The following BEST2 variants were observed in gnomAD, a reference collection of about 807,000 sequenced individuals.
The protein encoded by BEST2 is bestrophin-2a.
Under a neutral mutation model 49.0 loss-of-function variants are expected in BEST2, and 36 were observed. The observed-to-expected ratio is 0.73, with a 90% confidence interval of 0.56 to 0.97. BEST2 has a LOEUF of 0.97. Ranked by LOEUF, BEST2 falls within the 50% of genes least tolerant of loss-of-function variation. BEST2 has a pLI of 0.00. For synonymous variants in BEST2, 335 were observed against 304.4 expected (o/e 1.10, Z -1.05); for missense variants, 672 against 710.0 (o/e 0.95, Z 0.61).
Position 12,757,852 on chromosome 19 carries a change from C to A in BEST2, c.1305C>A (p.Cys435Ter), listed in dbSNP as rs1444988876. The A allele has an allele frequency of 3.9e-6, 6 of 1,549,066 alleles. No individual in the cohort carries two copies. The highest frequency in any genetic ancestry group is 2.4e-5 in the South Asian group (2 of 84,094). Residue 435 changes from cysteine (C) to a stop codon, truncating the protein, a stop_gained, in exon 10 of 10, where the codon TGC (cysteine) becomes TGA (stop). Transcript: ENST00000553030. LOFTEE classifies it low-confidence loss of function (END_TRUNC). ...SEASTGASCS[C>*]AVVPEGAAPE... Reference sequence around the variant, plus strand: ...CGTCTACTGGGGCCAGCTGCTCATGCGCGGTTGTCCCCGAAGGCGCGGCCC... The same window carrying A: ...CGTCTACTGGGGCCAGCTGCTCATGAGCGGTTGTCCCCGAAGGCGCGGCCC...
rs1356230609 is a variant in BEST2 at position 12,754,986 on chromosome 19, C to A, written c.591C>A (p.Arg197=). The change falls in exon 5 of 10, where the codon CGC becomes CGA. Residue 197 remains arginine, a synonymous_variant. Coordinates refer to ENST00000553030, the MANE Select transcript of BEST2 (RefSeq NM_017682.3). ...WFSNLAAQAR[R]EGRIRDNSAL... ...CCAACCTGGCGGCACAGGCCCGACG[C>A]GAGGGCCGCATCCGCGACAACAGCG... 1 of 1,612,256 alleles carries A rather than the reference C, an allele frequency of 6.2e-7. No individual in the cohort carries two copies. Among genetic ancestry groups the A allele is most frequent in the African/African-American group, 1.3e-5 (1 of 74,950 alleles).
chr19:12,752,550 C>T lies in BEST2; in HGVS notation c.-43C>T, dbSNP rs752105033. The T allele has an allele frequency of 7.5e-6, 12 of 1,602,562 alleles. No homozygotes were observed. Among genetic ancestry groups the T allele is most frequent in the East Asian group, 2.2e-5 (1 of 44,738 alleles). On this transcript the variant is annotated 5_prime_UTR_variant, in exon 2 of 10. Transcript: ENST00000553030. ...TCCACCCACACCCGCAGCCCCCACC[C>T]GGGCCACCCACTCTCCCTTGGCCAC...
chr19:12,755,932 C>T lies in BEST2; in HGVS notation c.945C>T (p.Phe315=), dbSNP rs763032729. The T allele has an allele frequency of 8.7e-6, 14 of 1,613,822 alleles. No homozygotes were observed. In the South Asian group the frequency reaches 1.4e-4, roughly 16 times the overall value. ...FETNFLIDRN[F]QVSMLAVDEM... is the part of the protein sequence containing the mutation. Reference sequence around the variant, plus strand: ...CCAACTTTCTGATCGATAGAAACTTCCAGGTGAGACTCAGTTTCCAGGTGA... The same window carrying T: ...CCAACTTTCTGATCGATAGAAACTTTCAGGTGAGACTCAGTTTCCAGGTGA... The change falls in exon 8 of 10, where the codon TTC becomes TTT. Residue 315 remains phenylalanine (F), a synonymous_variant. Transcript: ENST00000553030. The surrounding 1 kb of genome is among the most constrained non-coding windows in gnomAD (Gnocchi z 4.4).
rs1015216640 is a variant in BEST2, at chr19:12,755,767, G to A, written c.867G>A (p.Lys289=). ...LQFFFYAGWL[K]VAEQLINPFG... is the part of the protein sequence containing the mutation. Reference sequence around the variant, plus strand: ...TCTTCTTCTACGCCGGCTGGCTCAAGGTAGGTGGGTGATCCAGGCTGGAAT... The same window carrying A: ...TCTTCTTCTACGCCGGCTGGCTCAAAGTAGGTGGGTGATCCAGGCTGGAAT... Residue 289 remains lysine, a splice_region_variant and synonymous_variant, in exon 7 of 10, where the codon AAG becomes AAA. Coordinates refer to ENST00000553030, the MANE Select transcript of BEST2 (RefSeq NM_017682.3). The surrounding 1 kb of genome is among the most constrained non-coding windows in gnomAD (Gnocchi z 4.4). 6.2e-7 allele frequency: 1 copy of A among 1,614,078 alleles called. No homozygotes were observed. The highest frequency in any genetic ancestry group is 1.1e-5 in the South Asian group (1 of 91,088).
At chr19:12,753,227 T>A in intron 2 of BEST2, 33 bp from the exon 3 acceptor site, 1 of 1,606,652 alleles carries the variant, frequency 6.2e-7, no homozygotes, top group Non-Finnish European at 8.5e-7. Flanking sequence ...GAGTCACCCT[T>A]GTGACCTGTG....
chr19:12,752,828 T>C (rs1967887353), intron 2 of BEST2, 84 bp downstream of exon 2: 1 of 953,164 alleles, frequency 1.0e-6, no homozygotes. Flanking sequence ...TATAAAAATA[T>C]AGAGATATAT....
In BEST2 at chr19:12,752,740, T is replaced by TACCGGTGAGGCTGCCC. The variant is rs751939642; in HGVS notation, c.149_152+12dup. ...GTTCTACATGGCGCTGAGTGCTGCC[T>TACCGGTGAGGCTGCCC]ACCGGTGAGGCTGCCCTGAGGTGCT... On this transcript the variant is annotated stop_gained and frameshift_variant, in exon 2 of 10. Transcript: ENST00000553030. LOFTEE classifies it high-confidence loss of function. 1.2e-6 allele frequency: 2 copies of TACCGGTGAGGCTGCCC among 1,611,272 alleles called. No homozygotes were observed.
intron 3 of BEST2, 50 bp from the exon 4 acceptor site, chr19:12,754,501 AC>A (rs1304737228): frequency 7.1e-7 from 1 of 1,398,990 alleles, no homozygotes; most frequent in East Asian, 2.6e-5. Flanking sequence ...GGGCCCCCAA[AC>A]CCCTGGCCCT....
intron 9 of BEST2, among the ~76,000 whole-genome samples, chr19:12,757,391 A>G (rs1240131655): frequency 6.6e-6 from 1 of 152,198 alleles, no homozygotes; most frequent in Non-Finnish European, 1.5e-5. Context: ...CAGCCTGGGC[A>G]ACAGAGCGAG....
intron 8 of BEST2, 73 bp from the exon 9 acceptor site, chr19:12,756,067 AC>A (rs1053945645): frequency 6.9e-6 from 11 of 1,600,720 alleles, no homozygotes; most frequent in Non-Finnish European, 9.4e-6. Context: ...GTCCCCACCC[AC>A]CCGAAGGGGT....
At chr19:12,753,920 T>C (rs1967902358) in intron 3 of BEST2, among the ~76,000 whole-genome samples, 1 of 152,082 alleles carries the variant, frequency 6.6e-6, no homozygotes, top group African/African-American at 2.4e-5. Context: ...CCCCTTGTTT[T>C]AGGTCCCTAT....
rs868379108 is a variant in BEST2, at chr19:12,756,301, C to T, written c.1103+6C>T. On this transcript the variant is annotated splice_donor_region_variant and intron_variant, in intron 9 of 9. Coordinates refer to ENST00000553030, the MANE Select transcript of BEST2 (RefSeq NM_017682.3). ...GGCTCCACCTTTGACATCACGTGAG[C>T]CAGTTGGGTGGGCAGGGCCGCCTGG... 5 of 1,612,300 alleles carry T rather than the reference C, an allele frequency of 3.1e-6. No individual in the cohort carries two copies. The South Asian group carries it at 5.5e-5, about 18-fold the overall frequency.
At position 12,755,153 on chromosome 19, in the gene BEST2, A is replaced by C; in HGVS notation, c.636+122A>C. On this transcript the variant is annotated intron_variant, in intron 5 of 9. Coordinates refer to ENST00000553030, the MANE Select transcript of BEST2 (RefSeq NM_017682.3). This position sits in a 1 kb window ranked among gnomAD's most constrained non-coding sequence, Gnocchi z 4.4. ...GATTTCAAACACCCTCACCAGGTGC[A>C]CTCTTACCTCCATGGGGCTGATTCC... 1.6e-6 allele frequency: 2 copies of C among 1,274,060 alleles called. No homozygotes were observed. Among genetic ancestry groups the C allele is most frequent in the Non-Finnish European group, 1.1e-6 (1 of 938,608 alleles). The allele number at this position is 1,274,060 out of a possible 1,614,324, so 78.9% of individuals were successfully genotyped here.
chr19:12,755,710 C>G lies in BEST2; in HGVS notation c.810C>G (p.Asp270Glu), dbSNP rs1458297511. ...AGGGTTACAAAGACCACGACCTAGA[C>G]CTGTGTGTGCCCATCTTCACCCTCT... Reference protein sequence around the residue: ...PAQGYKDHDLDLCVPIFTLLQ... With the variant: ...PAQGYKDHDLELCVPIFTLLQ... The change falls in exon 7 of 10, where the codon GAC (aspartate) becomes GAG (glutamate). Residue 270 changes from aspartate (D) to glutamate (E), a missense_variant. Around this residue, in one of 3 missense-constraint regions of BEST2, gnomAD observed 365 missense variants for 390.9 expected, o/e 0.93. Coordinates refer to ENST00000553030, the MANE Select transcript of BEST2 (RefSeq NM_017682.3). The surrounding 1 kb of genome is among the most constrained non-coding windows in gnomAD (Gnocchi z 4.4). 1 of 1,614,158 alleles carries G rather than the reference C, an allele frequency of 6.2e-7. No homozygotes were observed. Among genetic ancestry groups the G allele is most frequent in the Admixed American group, 1.7e-5 (1 of 60,002 alleles).
chr19:12,755,837 T>G lies in BEST2; in HGVS notation c.868-18T>G. 2.5e-6 allele frequency: 4 copies of G among 1,614,064 alleles called. No individual in the cohort carries two copies. Among genetic ancestry groups the G allele is most frequent in the Non-Finnish European group, 3.4e-6 (4 of 1,179,910 alleles). The stretch of plus-strand genomic sequence containing the variant: ...TGGGGTTCCCAAGTTTCCACCTAAC[T>G]GCTCCCTCTCCTCTCAGGTAGCTGA... On this transcript the variant is annotated intron_variant, in intron 7 of 9. Transcript: ENST00000553030. The surrounding 1 kb of genome is among the most constrained non-coding windows in gnomAD (Gnocchi z 4.4).
chr19:12,754,613 C>G lies in BEST2; in HGVS notation c.309C>G (p.Pro103=), dbSNP rs1410346381. The change falls in exon 4 of 10, where the codon CCC becomes CCG. Residue 103 remains proline, a synonymous_variant. Transcript: ENST00000553030. ...WWSQYLCMPL[P]DALMCVVAGT... is the part of the protein sequence containing the mutation. ...GCCAGTACCTATGCATGCCGCTGCC[C>G]GACGCGCTCATGTGCGTGGTGGCGG... 1 of 1,564,806 alleles carries G rather than the reference C, an allele frequency of 6.4e-7. No homozygotes were observed. Among genetic ancestry groups the G allele is most frequent in the Non-Finnish European group, 8.7e-7 (1 of 1,151,538 alleles).
At chr19:12,757,598 GCT>G (rs1967960274) in intron 9 of BEST2, 51 bp from the exon 10 acceptor site, 1 of 1,506,384 alleles carries the variant, frequency 6.6e-7, no homozygotes, top group Admixed American at 2.4e-5. Context: ...CTGGGACCCT[GCT>G]CTGTCAACAA....
At position 12,755,250 on chromosome 19, in the gene BEST2, C is replaced by T. The variant is rs1000804567; in HGVS notation, c.637-129C>T. On this transcript the variant is annotated intron_variant, in intron 5 of 9. Coordinates refer to ENST00000553030, the MANE Select transcript of BEST2 (RefSeq NM_017682.3). The surrounding 1 kb of genome is among the most constrained non-coding windows in gnomAD (Gnocchi z 4.4). ...TGCACACTCACCACCAAATACCCTC[C>T]CTGGAACCCCCAAAGCACACTCCCA... 3 of 1,109,508 alleles carry T rather than the reference C, an allele frequency of 2.7e-6. No homozygotes were observed. The highest frequency in any genetic ancestry group is 4.0e-6 in the Non-Finnish European group (3 of 752,822). 68.7% of individuals were successfully genotyped at this position (1,109,508 alleles called of 1,614,324 possible).
intron 3 of BEST2, among the ~76,000 whole-genome samples, 191 bp from the exon 4 acceptor site, chr19:12,754,361 C>T (rs1056124019): frequency 2.6e-5 from 4 of 152,080 alleles, no homozygotes; most frequent in African/African-American, 9.7e-5. Flanking sequence ...CGTGAGCCAC[C>T]GCGCCCGGCA....
Sources: allele counts gnomAD v4.1 joint callset (sites outside exome capture counted in the v4.1 genomes callset), GRCh38; gene constraint gnomAD v4.1.1; regional missense constraint gnomAD v4.1.1; non-coding constraint Gnocchi (gnomAD v3.1); transcripts MANE v1.5; gene names NCBI Gene and HGNC (gene_info 2026-07-23, HGNC 2026-07-21).